AGBL1: variants seen among roughly 807,000 people sequenced by gnomAD.
AGBL1 encodes the protein AGBL carboxypeptidase 1.
In AGBL1, 130 loss-of-function variants were observed where a neutral mutation model predicts 118.9. The ratio of observed to expected loss-of-function variants is 1.09; its 90% CI spans 0.95 to 1.26. The LOEUF (loss-of-function observed/expected upper bound fraction) is 1.26, where lower values mean the gene tolerates loss of function less well. AGBL1 is among the 50% of genes most tolerant of loss of function. The pLI is 0.00. For synonymous variants in AGBL1, 555 were observed against 478.9 expected, an observed-to-expected ratio of 1.16 and a Z score of -2.08; for missense variants, 1,584 against 1,298.1, an observed-to-expected ratio of 1.22 and a Z score of -3.38.
intron 6 of AGBL1, among the ~76,000 whole-genome samples, chr15:86,234,342 A>G (rs1253971851): frequency 6.6e-6 from 1 of 151,962 alleles, no homozygotes; most frequent in African/African-American, 2.4e-5. Flanking sequence ...CACAAGGTCA[A>G]GAGTTCCAGA....
chr15:86,317,963 G>A (rs2080042507), intron 17 of AGBL1, among the ~76,000 whole-genome samples: 1 of 152,222 alleles, frequency 6.6e-6, no homozygotes, highest in Non-Finnish European at 1.5e-5. Context: ...TCTGGACCAA[G>A]TATTATAGTG....
At chr15:86,957,668 A>G (rs2080944343) in intron 23 of AGBL1, among the ~76,000 whole-genome samples, 2 of 152,234 alleles carry the variant, frequency 1.3e-5, no homozygotes, top group Non-Finnish European at 1.5e-5. Context: ...CTTTCAGAGT[A>G]AAAATATCAA....
At chr15:86,172,155 T>C (rs2077425463) in intron 5 of AGBL1, among the ~76,000 whole-genome samples, 1 of 152,124 alleles carries the variant, frequency 6.6e-6, no homozygotes. Context: ...ATTCATGTAA[T>C]CATCACCTGT....
chr15:86,865,096 G>A (rs2079607408), intron 22 of AGBL1, among the ~76,000 whole-genome samples: 1 of 152,112 alleles, frequency 6.6e-6, no homozygotes, highest in Admixed American at 6.5e-5. Flanking sequence ...TCCATCGTGG[G>A]AGTTACATAA....
At chr15:86,778,215 C>T (rs1376871571) in intron 22 of AGBL1, among the ~76,000 whole-genome samples, 2 of 152,020 alleles carry the variant, frequency 1.3e-5, no homozygotes, top group African/African-American at 4.8e-5. Context: ...CACAAGGTAA[C>T]AGAATATCAC....
intron 22 of AGBL1, among the ~76,000 whole-genome samples, chr15:86,884,926 G>A (rs989608932): frequency 4.6e-5 from 7 of 152,164 alleles, no homozygotes; most frequent in African/African-American, 1.4e-4. Flanking sequence ...GCTTTACTGT[G>A]CATTGTGCTT....
intron 23 of AGBL1, among the ~76,000 whole-genome samples, chr15:86,922,943 G>A (rs140263603): frequency 1.2e-4 from 19 of 152,304 alleles, no homozygotes; most frequent in African/African-American, 3.8e-4. Context: ...AGAAGGGCAT[G>A]ATGACCAGGA....
chr15:86,835,817 G>A (rs904894246), intron 22 of AGBL1, among the ~76,000 whole-genome samples: 27 of 152,148 alleles, frequency 1.8e-4, no homozygotes, highest in Non-Finnish European at 3.5e-4. Flanking sequence ...GTGTGGAGCA[G>A]ATATCAGAAG....
intron 18 of AGBL1, among the ~76,000 whole-genome samples, chr15:86,496,279 C>T (rs536095128): frequency 4.6e-5 from 7 of 152,122 alleles, no homozygotes; most frequent in Non-Finnish European, 1.5e-5. Context: ...TTCCCTTTTG[C>T]CTTGTACCAT....
chr15:86,659,945 A>G (rs571138349), intron 21 of AGBL1, among the ~76,000 whole-genome samples: 1 of 151,994 alleles, frequency 6.6e-6, no homozygotes, highest in Non-Finnish European at 1.5e-5. Flanking sequence ...ATTTATTACT[A>G]TTGTTATTAC....
intron 18 of AGBL1, among the ~76,000 whole-genome samples, chr15:86,422,500 G>T (rs2081805224): frequency 1.3e-5 from 2 of 152,192 alleles, no homozygotes; most frequent in African/African-American, 4.8e-5. Flanking sequence ...AAGTGGGAAA[G>T]ATCTAAAATC....
intron 23 of AGBL1, among the ~76,000 whole-genome samples, chr15:86,925,681 T>G (rs1433209777): frequency 6.6e-6 from 1 of 151,038 alleles, no homozygotes; most frequent in Non-Finnish European, 1.5e-5. Flanking sequence ...TCTTCTTTTC[T>G]TCTTTTCTTT....
At position 86,749,253 on chromosome 15, in the gene AGBL1, T is replaced by C. The variant is rs141645289; in HGVS notation, c.3158+74817T>C. Among the ~76,000 whole-genome samples, 468 of 152,284 alleles carry C rather than the reference T, an allele frequency of 3.1e-3. 7 individuals are homozygous for C. The highest frequency in any genetic ancestry group is 0.011 in the African/African-American group (446 of 41,564). On this transcript the variant is annotated intron_variant, in intron 22 of 22. Coordinates refer to ENST00000614907, the MANE Select transcript of AGBL1 (RefSeq NM_001386094.1). ...CCCTTGGAAGTTGGATTCCTAAGTA[T>C]TGTATTCTCTTTGAAGCAGTTGTGA...
chr15:86,973,687 C>G (rs1002655955), intron 23 of AGBL1, among the ~76,000 whole-genome samples: 3 of 151,700 alleles, frequency 2.0e-5, no homozygotes, highest in Non-Finnish European at 4.4e-5. Flanking sequence ...GAGAAAGGAT[C>G]TTTGTGCTTA....
chr15:86,360,192 A>G (rs12905867), intron 17 of AGBL1, among the ~76,000 whole-genome samples: 53,880 of 151,632 alleles, frequency 0.36, 11,331 homozygotes, highest in Non-Finnish European at 0.48. Flanking sequence ...ATATGGCTTT[A>G]GTGTGTTGAA....
intron 22 of AGBL1, among the ~76,000 whole-genome samples, chr15:86,853,458 A>C (rs2141463687): frequency 6.6e-6 from 1 of 152,322 alleles, no homozygotes; most frequent in East Asian, 1.9e-4. Context: ...GAAGTAGAGA[A>C]TATTATTCCA....
chr15:86,542,622 C>T (rs2083520358), intron 19 of AGBL1, among the ~76,000 whole-genome samples: 1 of 152,050 alleles, frequency 6.6e-6, no homozygotes, highest in Non-Finnish European at 1.5e-5. Flanking sequence ...CCTGGCTCGG[C>T]CTCCCAAAGT....
At chr15:86,123,769 A>T (rs1016513513) in intron 1 of AGBL1, among the ~76,000 whole-genome samples, 8 of 152,128 alleles carry the variant, frequency 5.3e-5, no homozygotes, top group African/African-American at 1.7e-4. Context: ...TAGCCTGACC[A>T]CCTTGAGCAC....
At position 86,457,565 on chromosome 15, in the gene AGBL1, C is replaced by G. The variant is rs114074875; in HGVS notation, c.2555+60019C>G. Among the ~76,000 whole-genome samples, 1,500 of 152,186 alleles carry G rather than the reference C, an allele frequency of 9.9e-3. 27 individuals carry two copies. Among genetic ancestry groups the G allele is most frequent in the African/African-American group, 0.035 (1,436 of 41,512 alleles). On this transcript the variant is annotated intron_variant, in intron 18 of 22. Transcript: ENST00000614907. ...GAAAGTATGATTAGAGCATCTATGT[C>G]TCGGGAAAAGTGTCCCCACTGTGCT...
Sources: allele counts gnomAD v4.1 joint callset (sites outside exome capture counted in the v4.1 genomes callset), GRCh38; gene constraint gnomAD v4.1.1; transcripts MANE v1.5; gene names NCBI Gene and HGNC (gene_info 2026-07-23, HGNC 2026-07-21).